TRPC6: variants seen among roughly 807,000 people sequenced by gnomAD.
The protein encoded by TRPC6 is short transient receptor potential channel 6.
A neutral mutation model predicts 90.7 loss-of-function variants in TRPC6; 55 were observed. The observed-to-expected ratio is 0.61, with a 90% CI of 0.49 to 0.76. TRPC6 has a LOEUF of 0.76. TRPC6 is among the 30% of genes least tolerant of loss of function. The pLI, the probability that TRPC6 is intolerant of heterozygous loss-of-function variation, is 0.00. For missense variants in TRPC6, 989 were observed against 1,122.7 expected (o/e 0.88, Z 1.70); for synonymous variants, 393 against 393.0 (o/e 1.00, Z 0.00).
chr11:101,568,662 T>C (rs927992560), intron 1 of TRPC6, among the ~76,000 whole-genome samples: 1 of 152,164 alleles, frequency 6.6e-6, no homozygotes, highest in Non-Finnish European at 1.5e-5. Context: ...TAACAGCGAA[T>C]CTCTTGGCAG....
At position 101,504,851 on chromosome 11, in the gene TRPC6, T is replaced by G. The variant is rs1423500852; in HGVS notation, c.171-53A>C. 7 of 1,594,390 alleles carry G rather than the reference T, an allele frequency of 4.4e-6. No individual in the cohort carries two copies. In the East Asian group the frequency reaches 1.3e-4, roughly 30 times the overall value. On this transcript the variant is annotated intron_variant, in intron 1 of 12. Coordinates refer to ENST00000344327, the MANE Select transcript of TRPC6 (RefSeq NM_004621.6). The stretch of plus-strand genomic sequence containing the variant: ...AAATCACATTAAGAGCATTTTAGTG[T>G]GCCAAATGACTTGCCATTCATCTAA...
chr11:101,569,678 C>T (rs997436226), intron 1 of TRPC6, among the ~76,000 whole-genome samples: 2 of 152,108 alleles, frequency 1.3e-5, no homozygotes, highest in East Asian at 1.9e-4. Context: ...TCTCTCAGAC[C>T]ACAGCGCAAT....
In TRPC6 at chr11:101,504,448, A is replaced by T. The variant is rs1860206956; in HGVS notation, c.521T>A (p.Val174Asp). 6.2e-7 allele frequency: 1 copy of T among 1,614,094 alleles called. No homozygotes were observed. The highest frequency in any genetic ancestry group is 8.5e-7 in the Non-Finnish European group (1 of 1,180,012). ...ACTGAGAATTGCTTCCACAATCCGA[A>T]CATAACCTTTACTAATAGCTAGAAG... ...ALLLAISKGY[V>D]RIVEAILSHP... Residue 174 changes from valine to aspartate, a missense_variant, in exon 2 of 13, where the codon GTT becomes GAT. By Grantham distance (152) the Val-to-Asp change is radical. Coordinates refer to ENST00000344327, the MANE Select transcript of TRPC6 (RefSeq NM_004621.6).
chr11:101,580,915 A>G (rs1407950450), intron 1 of TRPC6, among the ~76,000 whole-genome samples: 1 of 152,218 alleles, frequency 6.6e-6, no homozygotes, highest in Non-Finnish European at 1.5e-5. Flanking sequence ...AATTTTCTTT[A>G]GCTCTTTCTC....
intron 1 of TRPC6, among the ~76,000 whole-genome samples, chr11:101,545,772 T>A (rs1393376097): frequency 6.6e-6 from 1 of 152,184 alleles, no homozygotes; most frequent in East Asian, 1.9e-4. Context: ...ATCATTTACC[T>A]TCCTTTAATT....
At chr11:101,490,172 A>G (rs1459491625) in intron 3 of TRPC6, among the ~76,000 whole-genome samples, 4 of 152,244 alleles carry the variant, frequency 2.6e-5, no homozygotes, top group Non-Finnish European at 5.9e-5. Flanking sequence ...TCTAATAACA[A>G]AAATCTGAAA....
Position 101,504,391 on chromosome 11 carries a change from G to GC in TRPC6, c.577dup (p.Ala193GlyfsTer5), listed in dbSNP as rs748881345. 6.2e-7 allele frequency: 1 copy of GC among 1,614,084 alleles called. No individual in the cohort carries two copies. Among genetic ancestry groups the GC allele is most frequent in the South Asian group, 1.1e-5 (1 of 91,074 alleles). On this transcript the variant is annotated frameshift_variant, in exon 2 of 13. Transcript: ENST00000344327. LOFTEE classifies it high-confidence loss of function. ...GAGTTCAGACTGGCTAGGGCTGGTT[G>GC]CTAACCTCTTGCCTTCAGCAAAAGC... is the stretch of plus-strand genomic sequence containing the variant.
At chr11:101,574,634 C>T (rs1862035942) in intron 1 of TRPC6, among the ~76,000 whole-genome samples, 1 of 151,140 alleles carries the variant, frequency 6.6e-6, no homozygotes, top group African/African-American at 2.5e-5. Flanking sequence ...AATCCCTCCC[C>T]TAGGTTAAGT....
chr11:101,507,055 C>A (rs866069788), intron 1 of TRPC6, among the ~76,000 whole-genome samples: 7 of 141,872 alleles, frequency 4.9e-5, no homozygotes, highest in African/African-American at 1.4e-4. Flanking sequence ...ACACACAGAC[C>A]CCCTTCATGG....
At chr11:101,557,349 T>C (rs1861583497) in intron 1 of TRPC6, among the ~76,000 whole-genome samples, 1 of 152,092 alleles carries the variant, frequency 6.6e-6, no homozygotes, top group South Asian at 2.1e-4. Context: ...AGTGAGACTC[T>C]GTGTCTCAAA....
intron 1 of TRPC6, among the ~76,000 whole-genome samples, chr11:101,569,519 TA>T (rs1370284540): frequency 2.6e-5 from 4 of 152,156 alleles, no homozygotes; most frequent in Non-Finnish European, 4.4e-5. Context: ...CAATCAGACC[TA>T]ATAGACATCT....
At chr11:101,580,693 A>G (rs1343348703) in intron 1 of TRPC6, among the ~76,000 whole-genome samples, 1 of 152,162 alleles carries the variant, frequency 6.6e-6, no homozygotes, top group African/African-American at 2.4e-5. Context: ...TTTTGGCAAG[A>G]GTCATAGAAT....
intron 3 of TRPC6, among the ~76,000 whole-genome samples, chr11:101,490,693 T>A (rs1291260153): frequency 6.6e-6 from 1 of 152,202 alleles, no homozygotes; most frequent in African/African-American, 2.4e-5. Flanking sequence ...TGACCTCAAG[T>A]TATCCACCCA....
intron 1 of TRPC6, among the ~76,000 whole-genome samples, chr11:101,565,618 C>T (rs1861810656): frequency 6.6e-6 from 1 of 152,012 alleles, no homozygotes; most frequent in Non-Finnish European, 1.5e-5. Context: ...CATTACTCTC[C>T]TGACATCTTA....
chr11:101,513,036 A>T, intron 1 of TRPC6, among the ~76,000 whole-genome samples: 1 of 152,224 alleles, frequency 6.6e-6, no homozygotes, highest in East Asian at 1.9e-4. Flanking sequence ...ATCTAGGACA[A>T]TGTAGGCTTA....
chr11:101,501,197 C>T (rs10895125), intron 2 of TRPC6, among the ~76,000 whole-genome samples: 70,603 of 150,714 alleles, frequency 0.47, 17,029 homozygotes, highest in African/African-American at 0.57. Context: ...CTGACCAGGC[C>T]TAAGCTATCC....
chr11:101,524,196 G>A (rs1191455441), intron 1 of TRPC6, among the ~76,000 whole-genome samples: 2 of 152,208 alleles, frequency 1.3e-5, no homozygotes, highest in African/African-American at 4.8e-5. Flanking sequence ...GGTCCCTTAA[G>A]TGAATTTACC....
At chr11:101,569,260 T>G (rs146789546) in intron 1 of TRPC6, among the ~76,000 whole-genome samples, 110 of 150,324 alleles carry the variant, frequency 7.3e-4, no homozygotes, top group African/African-American at 2.1e-3. Flanking sequence ...AAAGATCAAA[T>G]GAAACAAAGA....
At chr11:101,463,896 T>G (rs1859069913) in intron 10 of TRPC6, among the ~76,000 whole-genome samples, 1 of 152,206 alleles carries the variant, frequency 6.6e-6, no homozygotes, top group Non-Finnish European at 1.5e-5. Flanking sequence ...AATTTTGATG[T>G]TAGGGTGTCA....
Sources: gnomAD v4.1 joint callset for allele counts (sites outside exome capture counted in the v4.1 genomes callset) on GRCh38, gnomAD v4.1.1 for gene constraint, MANE v1.5 for transcripts, NCBI Gene and HGNC (gene_info 2026-07-23, HGNC 2026-07-21) for gene names.